PSMD14: variants seen among roughly 807,000 people sequenced by gnomAD.
PSMD14 encodes the protein proteasome 26S subunit, non-ATPase 14.
Under a neutral mutation model 41.2 loss-of-function variants are expected in PSMD14, and 7 were observed. That is an observed-to-expected ratio of 0.17 (90% CI 0.10 to 0.32). The LOEUF is 0.32. PSMD14 is among the 10% of genes least tolerant of loss of function. The pLI, the probability that PSMD14 is intolerant of heterozygous loss-of-function variation, is 1.00. For synonymous variants in PSMD14, 114 were observed against 122.3 expected, an observed-to-expected ratio of 0.93 and a Z score of 0.45; for missense variants, 139 against 375.6, an observed-to-expected ratio of 0.37 and a Z score of 5.21.
At chr2:161,322,093 G>A (rs1250135784) in intron 3 of PSMD14, among the ~76,000 whole-genome samples, 1 of 152,132 alleles carries the variant, frequency 6.6e-6, no homozygotes, top group Non-Finnish European at 1.5e-5. Context: ...CTAGGGGTGT[G>A]CACTAAGTCA....
At chr2:161,362,684 T>C (rs1039265402) in intron 3 of PSMD14, among the ~76,000 whole-genome samples, 1 of 152,246 alleles carries the variant, frequency 6.6e-6, no homozygotes. Context: ...CATTGTTTTC[T>C]GCCATCTAAT....
chr2:161,384,889 A>G (rs1683614519), intron 7 of PSMD14: 1 of 151,828 alleles, frequency 6.6e-6, no homozygotes. Context: ...TGCCTTTTAT[A>G]CTTGACAGTG....
chr2:161,341,271 G>T, intron 3 of PSMD14: 1 of 1,015,948 alleles, frequency 9.8e-7, no homozygotes, highest in Non-Finnish European at 1.2e-6. Flanking sequence ...GAGCAGAAGG[G>T]CCAGCGCGGT....
chr2:161,399,209 A>G (rs1304268296), intron 10 of PSMD14, among the ~76,000 whole-genome samples: 1 of 152,114 alleles, frequency 6.6e-6, no homozygotes, highest in Non-Finnish European at 1.5e-5. Flanking sequence ...AAGACTTAGT[A>G]TTGTAAAGCT....
At chr2:161,347,616 TGA>T (rs1203323054) in intron 3 of PSMD14, among the ~76,000 whole-genome samples, 9 of 152,200 alleles carry the variant, frequency 5.9e-5, no homozygotes, top group Admixed American at 4.6e-4. Flanking sequence ...TCAGAGATAG[TGA>T]ATAAATAAGA....
intron 3 of PSMD14, among the ~76,000 whole-genome samples, chr2:161,340,182 C>T (rs1682929074): frequency 6.6e-6 from 1 of 152,056 alleles, no homozygotes; most frequent in Non-Finnish European, 1.5e-5. Context: ...GGGCTGAATC[C>T]GAGATTCCTC....
chr2:161,408,735 G>T (rs2105274168), intron 10 of PSMD14, 102 bp from the exon 11 acceptor site: 2 of 795,456 alleles, frequency 2.5e-6, no homozygotes, highest in East Asian at 5.5e-5. Flanking sequence ...AATAAAAGTT[G>T]TATGAATGAA....
intron 3 of PSMD14, among the ~76,000 whole-genome samples, chr2:161,330,594 G>A (rs564043279): frequency 6.6e-6 from 1 of 152,086 alleles, no homozygotes; most frequent in Admixed American, 6.6e-5. Flanking sequence ...AACCCAAGCA[G>A]GTAGGACTGA....
chr2:161,319,006 G>T, intron 3 of PSMD14, 133 bp downstream of exon 3: 1 of 588,888 alleles, frequency 1.7e-6, no homozygotes. Flanking sequence ...TTACCTTATT[G>T]ATGTTTGTTA....
At chr2:161,383,154 A>G (rs1683589619) in intron 7 of PSMD14, 1 of 152,046 alleles carries the variant, frequency 6.6e-6, no homozygotes, top group South Asian at 2.1e-4. Flanking sequence ...CTAAAGGATA[A>G]ATCCACTTAT....
intron 1 of PSMD14, among the ~76,000 whole-genome samples, chr2:161,313,078 T>G (rs956483379): frequency 1.2e-4 from 19 of 152,118 alleles, no homozygotes; most frequent in African/African-American, 4.3e-4. Context: ...GTGAGATAGA[T>G]CTCCATTTTG....
At chr2:161,310,421 A>G (rs1446814446) in intron 1 of PSMD14, among the ~76,000 whole-genome samples, 4 of 152,164 alleles carry the variant, frequency 2.6e-5, no homozygotes, top group African/African-American at 7.2e-5. Flanking sequence ...CCACCTGTGA[A>G]AGCCTTGCCT....
In PSMD14 at chr2:161,371,175, G is replaced by T. The variant is rs767758513; in HGVS notation, c.315G>T (p.Pro105=). 1 of 1,612,182 alleles carries T rather than the reference G, an allele frequency of 6.2e-7. No individual in the cohort carries two copies. Among genetic ancestry groups the T allele is most frequent in the African/African-American group, 1.3e-5 (1 of 74,942 alleles). The change falls in exon 7 of 12, where the codon CCG becomes CCT. Residue 105 remains proline (P), a synonymous_variant. Transcript: ENST00000409682. ...MLDMLKQTGR[P]EMVVGWYHSH... ...CTGAATGCCCTCTTTGTTTCAGGCC[G>T]GAGATGGTTGTTGGTTGGTATCACA... is the stretch of plus-strand genomic sequence containing the variant.
intron 7 of PSMD14, 67 bp downstream of exon 7, chr2:161,371,389 A>T (rs1574133529): frequency 6.8e-7 from 1 of 1,477,994 alleles, no homozygotes; most frequent in East Asian, 2.4e-5. Flanking sequence ...TTAAATAAAA[A>T]TCAATTTTGT....
At chr2:161,364,161 C>A (rs551656780) in intron 3 of PSMD14, among the ~76,000 whole-genome samples, 2 of 152,314 alleles carry the variant, frequency 1.3e-5, no homozygotes, top group African/African-American at 4.8e-5. Flanking sequence ...CTGCTTCATT[C>A]TGCTGGTTGA....
intron 7 of PSMD14, among the ~76,000 whole-genome samples, chr2:161,381,030 C>G (rs1033082192): frequency 7.2e-5 from 11 of 151,744 alleles, no homozygotes; most frequent in African/African-American, 2.7e-4. Context: ...TTTTTATAAT[C>G]ATTTAGAGAT....
At chr2:161,312,252 T>A (rs939981257) in intron 1 of PSMD14, among the ~76,000 whole-genome samples, 1 of 151,960 alleles carries the variant, frequency 6.6e-6, no homozygotes, top group Non-Finnish European at 1.5e-5. Context: ...CAAGTGATTC[T>A]CCTGCCTCAG....
chr2:161,359,592 CT>C (rs1432999620), intron 3 of PSMD14, among the ~76,000 whole-genome samples: 2 of 152,104 alleles, frequency 1.3e-5, no homozygotes, highest in African/African-American at 4.8e-5. Context: ...CTATAGCCCA[CT>C]GTGCCCATCT....
At chr2:161,377,949 C>T (rs1683523709) in intron 7 of PSMD14, among the ~76,000 whole-genome samples, 2 of 151,776 alleles carry the variant, frequency 1.3e-5, no homozygotes, top group Admixed American at 1.3e-4. Context: ...CAGTTTTGTA[C>T]CAGCAAGTGG....
Sources: gnomAD v4.1 joint callset for allele counts (sites outside exome capture counted in the v4.1 genomes callset) on GRCh38, gnomAD v4.1.1 for gene constraint, MANE v1.5 for transcripts, NCBI Gene and HGNC (gene_info 2026-07-23, HGNC 2026-07-21) for gene names.